The following SMARCD2 variants were observed in gnomAD, a reference collection of about 807,000 sequenced individuals.
SMARCD2 encodes the protein SWI/SNF-related matrix-associated actin-dependent regulator of chromatin subfamily D member 2.
In SMARCD2, 39 loss-of-function variants were observed where a neutral mutation model predicts 70.4. The observed-to-expected ratio is 0.55, with a 90% CI of 0.43 to 0.72. The LOEUF (loss-of-function observed/expected upper bound fraction) is 0.72, where lower values mean the gene tolerates loss of function less well. SMARCD2 is among the 30% of genes least tolerant of loss of function. The pLI, the probability that SMARCD2 is intolerant of heterozygous loss-of-function variation, is 0.00. For synonymous variants in SMARCD2, 249 were observed against 279.4 expected (o/e 0.89, Z 1.08); for missense variants, 540 against 713.4 (o/e 0.76, Z 2.77).
chr17:63,833,353 G>A lies in SMARCD2; in HGVS notation c.1385C>T (p.Thr462Ile), dbSNP rs959898303. Residue 462 changes from threonine (T) to isoleucine (I), a missense_variant, in exon 11 of 13, where the codon ACC (threonine) becomes ATC (isoleucine). Physicochemically the swap from Thr to Ile is moderately conservative, Grantham distance 89 (BLOSUM62 -1). Coordinates refer to ENST00000448276, the MANE Select transcript of SMARCD2 (RefSeq NM_001098426.2). This position sits in a 1 kb window ranked among gnomAD's most constrained non-coding sequence, Gnocchi z 4.3. ...TQRDFMLSFSTDPQDFIQEWL... is the reference protein window; with the variant it reads ...TQRDFMLSFSIDPQDFIQEWL... Reference sequence around the variant, plus strand: ...TTCCTGGATGAAGTCCTGGGGGTCGGTGCTAAAACTGAGCATGAAATCTCT... The same window carrying A: ...TTCCTGGATGAAGTCCTGGGGGTCGATGCTAAAACTGAGCATGAAATCTCT... 6.2e-7 allele frequency: 1 copy of A among 1,614,012 alleles called. No homozygotes were observed. Among genetic ancestry groups the A allele is most frequent in the Admixed American group, 1.7e-5 (1 of 60,020 alleles).
intron 1 of SMARCD2, among the ~76,000 whole-genome samples, chr17:63,839,430 G>A (rs1354624643): frequency 1.3e-5 from 2 of 152,094 alleles, no homozygotes; most frequent in East Asian, 3.9e-4. Context: ...GCTCCACCCA[G>A]ACATCTGCTC....
At chr17:63,838,588 T>C in intron 1 of SMARCD2, 1 of 1,456,454 alleles carries the variant, frequency 6.9e-7, no homozygotes, top group Non-Finnish European at 9.0e-7. Context: ...CTTCTTTAGA[T>C]GCCTGCAGAA....
At chr17:63,839,256 A>G in intron 1 of SMARCD2, 1 of 985,372 alleles carries the variant, frequency 1.0e-6, no homozygotes, top group Non-Finnish European at 1.2e-6. Context: ...ACAGGGAAGA[A>G]CTGAAGCAGT....
intron 1 of SMARCD2, chr17:63,838,809 G>A: frequency 7.9e-7 from 1 of 1,267,596 alleles, no homozygotes; most frequent in Non-Finnish European, 9.9e-7. Flanking sequence ...CCGGCAGGGT[G>A]GAGACTTGTA....
At position 63,834,449 on chromosome 17, in the gene SMARCD2, G is replaced by A; in HGVS notation, c.921+25C>T. ...CTCCTGAGGGGTCCCTGTGGGCCCA[G>A]AAATGACCCCAGGGTCTCTGTCACC... On this transcript the variant is annotated intron_variant, in intron 7 of 12. Coordinates refer to ENST00000448276, the MANE Select transcript of SMARCD2 (RefSeq NM_001098426.2). The surrounding 1 kb of genome is among the most constrained non-coding windows in gnomAD (Gnocchi z 5.6). The A allele has an allele frequency of 6.4e-7, 1 of 1,559,630 alleles. No individual in the cohort carries two copies. Among genetic ancestry groups the A allele is most frequent in the Non-Finnish European group, 8.7e-7 (1 of 1,144,228 alleles).
At chr17:63,840,999 G>A (rs1198412303) in intron 1 of SMARCD2, among the ~76,000 whole-genome samples, 1 of 152,222 alleles carries the variant, frequency 6.6e-6, no homozygotes, top group African/African-American at 2.4e-5. Context: ...AAACTGGAGC[G>A]GCTTGTCTGT....
chr17:63,833,218 C>G lies in SMARCD2; in HGVS notation c.1441-48G>C. 1 of 1,609,056 alleles carries G rather than the reference C, an allele frequency of 6.2e-7. No individual in the cohort carries two copies. The highest frequency in any genetic ancestry group is 8.5e-7 in the Non-Finnish European group (1 of 1,175,930). ...CCATAGCATAATCCCCACCCCTGGGCTAATCCACCCTGGGAACTGCTGTGG... is the reference window on the plus strand; with the variant it reads ...CCATAGCATAATCCCCACCCCTGGGGTAATCCACCCTGGGAACTGCTGTGG... On this transcript the variant is annotated intron_variant, in intron 11 of 12. Transcript: ENST00000448276. The surrounding 1 kb of genome is among the most constrained non-coding windows in gnomAD (Gnocchi z 4.3).
intron 1 of SMARCD2, chr17:63,838,560 A>G (rs1400101452): frequency 1.5e-6 from 2 of 1,374,204 alleles, no homozygotes; most frequent in East Asian, 5.6e-5. Flanking sequence ...GCAGCAGGAA[A>G]GTGGGAGACA....
In SMARCD2 at chr17:63,834,328, G is replaced by A; in HGVS notation, c.922C>T (p.Pro308Ser). ...CTLLLMLDHQ[P>S]PQYKLDPRLA... ...CGGGGGTCCAATTTGTACTGGGGAGGCTGGAGTTGGATGGAGGGGAGTCAG... is the reference window on the plus strand; with the variant it reads ...CGGGGGTCCAATTTGTACTGGGGAGACTGGAGTTGGATGGAGGGGAGTCAG... The change falls in exon 8 of 13, where the codon CCT (proline) becomes TCT (serine). Residue 308 changes from proline to serine, a missense_variant and splice_region_variant. Pro to Ser is a moderately conservative substitution (Grantham distance 74, BLOSUM62 -1). Transcript: ENST00000448276. The surrounding 1 kb of genome is among the most constrained non-coding windows in gnomAD (Gnocchi z 5.6). 5 of 1,610,448 alleles carry A rather than the reference G, an allele frequency of 3.1e-6. No individual in the cohort carries two copies. Among genetic ancestry groups the A allele is most frequent in the Non-Finnish European group, 4.2e-6 (5 of 1,177,368 alleles).
chr17:63,838,925 C>G, intron 1 of SMARCD2: 1 of 985,396 alleles, frequency 1.0e-6, no homozygotes, highest in Non-Finnish European at 1.2e-6. Context: ...GGGTCAGATT[C>G]TTGACCAGAT....
chr17:63,839,261 AG>A, intron 1 of SMARCD2: 1 of 985,320 alleles, frequency 1.0e-6, no homozygotes, highest in Non-Finnish European at 1.2e-6. Flanking sequence ...GAAGAACTGA[AG>A]CAGTGGGTCC....
At position 63,841,085 on chromosome 17, in the gene SMARCD2, A is replaced by G. The variant is rs538993611; in HGVS notation, c.216+1374T>C. Reference sequence around the variant, plus strand: ...TCAGTGGGCAGGCCCAAGGGCTACAATGAATGATGCAGGGAGCCCTCAGCA... The same window carrying G: ...TCAGTGGGCAGGCCCAAGGGCTACAGTGAATGATGCAGGGAGCCCTCAGCA... On this transcript the variant is annotated intron_variant, in intron 1 of 12. Coordinates refer to ENST00000448276, the MANE Select transcript of SMARCD2 (RefSeq NM_001098426.2). 3.7e-4 allele frequency among the ~76,000 whole-genome samples: 57 copies of G among 152,392 alleles called. No homozygotes were observed. The South Asian group carries it at 0.011, about 30-fold the overall frequency.
chr17:63,839,589 AC>A (rs1204357505), intron 1 of SMARCD2, among the ~76,000 whole-genome samples: 1,415 of 77,678 alleles, frequency 0.018, 31 homozygotes, highest in African/African-American at 0.13. Context: ...ACAAAACAAA[AC>A]AAACAAAAAA....
rs975668859 is a variant in SMARCD2, at chr17:63,840,916, C to G, written c.216+1543G>C. On this transcript the variant is annotated intron_variant, in intron 1 of 12. Coordinates refer to ENST00000448276, the MANE Select transcript of SMARCD2 (RefSeq NM_001098426.2). ...TTGCCACAGGCCCAAGGCCACCCCCCACCAAAACATGTGGAATCCATCCTC... is the reference window on the plus strand; with the variant it reads ...TTGCCACAGGCCCAAGGCCACCCCCGACCAAAACATGTGGAATCCATCCTC... Among the ~76,000 whole-genome samples the G allele has an allele frequency of 4.5e-4, 68 of 152,240 alleles. 2 individuals carry two copies. The highest frequency in any genetic ancestry group is 2.6e-4 in the Non-Finnish European group (18 of 68,042).
chr17:63,842,259 C>A, intron 1 of SMARCD2, 200 bp downstream of exon 1: 1 of 961,980 alleles, frequency 1.0e-6, no homozygotes, highest in Non-Finnish European at 1.3e-6. Flanking sequence ...CTGCTTCCAG[C>A]CCTCCGCTGC....
Position 63,833,132 on chromosome 17 carries a change from TCTCTC to T in SMARCD2, c.1474_1478del (p.Glu492ThrfsTer70). 1 of 1,607,810 alleles carries T rather than the reference TCTCTC, an allele frequency of 6.2e-7. No individual in the cohort carries two copies. The highest frequency in any genetic ancestry group is 8.5e-7 in the Non-Finnish European group (1 of 1,177,090). Reference sequence around the variant, plus strand: ...AGGGCTGGTGGTAGAAAGCAGCTCGTCTCTCCTCCTCAGGATTTCCAATCACATCA... The same window carrying T: ...AGGGCTGGTGGTAGAAAGCAGCTCGTCTCCTCAGGATTTCCAATCACATCA... On this transcript the variant is annotated frameshift_variant, in exon 12 of 13. Transcript: ENST00000448276. LOFTEE classifies it high-confidence loss of function. This position sits in a 1 kb window ranked among gnomAD's most constrained non-coding sequence, Gnocchi z 4.3.
rs1484418225 is a variant in SMARCD2 at position 63,835,446 on chromosome 17, C to T, written c.689G>A (p.Trp230Ter). 1.9e-6 allele frequency: 3 copies of T among 1,613,704 alleles called. No individual in the cohort carries two copies. The highest frequency in any genetic ancestry group is 2.2e-5 in the South Asian group (2 of 91,048). The change falls in exon 5 of 13, where the codon TGG becomes TAG. Residue 230 changes from tryptophan (W) to a stop codon, truncating the protein, a stop_gained. Coordinates refer to ENST00000448276, the MANE Select transcript of SMARCD2 (RefSeq NM_001098426.2). LOFTEE classifies it high-confidence loss of function. The stretch of plus-strand genomic sequence containing the variant: ...CAGTTTTCCTTCCACTCGGAGTTCC[C>T]AGGAAGCCACCTTGTCCCCTGCTGG... ...GTPAGDKVASWELRVEGKLLD... is the reference protein window; with the variant it reads ...GTPAGDKVAS
rs1409789588 is a variant in SMARCD2 at position 63,837,707 on chromosome 17, C to G, written c.217-82G>C. The G allele has an allele frequency of 1.7e-6, 2 of 1,204,464 alleles. No individual in the cohort carries two copies. The highest frequency in any genetic ancestry group is 2.3e-6 in the Non-Finnish European group (2 of 855,420). The allele number at this position is 1,204,464 out of a possible 1,614,324, so 74.6% of individuals were successfully genotyped here. ...CATAGCCCATGCCCTCCATCCCTCTCGTCAGCCAGGTAGGGCCTGAGCAGC... is the reference window on the plus strand; with the variant it reads ...CATAGCCCATGCCCTCCATCCCTCTGGTCAGCCAGGTAGGGCCTGAGCAGC... On this transcript the variant is annotated intron_variant, in intron 1 of 12. Coordinates refer to ENST00000448276, the MANE Select transcript of SMARCD2 (RefSeq NM_001098426.2). The surrounding 1 kb of genome is among the most constrained non-coding windows in gnomAD (Gnocchi z 6.4).
chr17:63,833,782 CA>C lies in SMARCD2; in HGVS notation c.1182-61del. 1 of 1,605,890 alleles carries C rather than the reference CA, an allele frequency of 6.2e-7. No individual in the cohort carries two copies. The highest frequency in any genetic ancestry group is 8.5e-7 in the Non-Finnish European group (1 of 1,173,006). On this transcript the variant is annotated intron_variant, in intron 9 of 12. Coordinates refer to ENST00000448276, the MANE Select transcript of SMARCD2 (RefSeq NM_001098426.2). The surrounding 1 kb of genome is among the most constrained non-coding windows in gnomAD (Gnocchi z 4.3). ...CTGACTTCATCCTGCCCACCTGGGC[CA>C]AATCTGGGGCCCATTCTCTGCACAC...
Sources: allele counts gnomAD v4.1 joint callset (sites outside exome capture counted in the v4.1 genomes callset), GRCh38; gene constraint gnomAD v4.1.1; non-coding constraint Gnocchi (gnomAD v3.1); transcripts MANE v1.5; gene names NCBI Gene and HGNC (gene_info 2026-07-23, HGNC 2026-07-21).